PRR11: variants seen among roughly 807,000 people sequenced by gnomAD.
PRR11 encodes proline-rich protein 11.
A neutral mutation model predicts 45.6 loss-of-function variants in PRR11; 30 were observed. The observed-to-expected ratio is 0.66, with a 90% CI of 0.49 to 0.89. PRR11 has a LOEUF of 0.89. Ranked by LOEUF, PRR11 falls within the 40% of genes least tolerant of loss-of-function variation. The pLI, the probability that PRR11 is intolerant of heterozygous loss-of-function variation, is 0.00. For missense variants in PRR11, 373 were observed against 424.8 expected (o/e 0.88, Z 1.07); for synonymous variants, 128 against 153.5 (o/e 0.83, Z 1.23).
chr17:59,174,834 G>T lies in PRR11; in HGVS notation c.128+4954G>T, dbSNP rs528282692. 15 of 1,253,654 alleles carry T rather than the reference G, an allele frequency of 1.2e-5. 1 individual carries two copies. Among genetic ancestry groups the T allele is most frequent in the African/African-American group, 1.2e-4 (8 of 67,154 alleles). 77.7% of individuals were successfully genotyped at this position (1,253,654 alleles called of 1,614,324 possible). On this transcript the variant is annotated intron_variant, in intron 2 of 9. Coordinates refer to ENST00000262293, the MANE Select transcript of PRR11 (RefSeq NM_018304.4). ...CCCAGTGCTCTGGGTTATAAGCCTG[G>T]ATCTGGAAAAACAAACGCCCCTTAA...
chr17:59,156,158 A>T (rs181444308), intron 1 of PRR11, among the ~76,000 whole-genome samples: 5 of 152,280 alleles, frequency 3.3e-5, no homozygotes, highest in Admixed American at 3.3e-4. Flanking sequence ...ACTCCACCCA[A>T]ATTTACTAAA....
rs1393980947 is a variant in PRR11, at chr17:59,205,423, C to T, written c.*3792C>T. 4.6e-5 allele frequency among the ~76,000 whole-genome samples: 7 copies of T among 151,172 alleles called. No homozygotes were observed. The highest frequency in any genetic ancestry group is 1.2e-4 in the African/African-American group (5 of 41,136). ...TACCTATAGAAAAGTAAATGTTGGC[C>T]GGGTGCGGTGGCTCATGCCTATAAT... is the stretch of plus-strand genomic sequence containing the variant. On this transcript the variant is annotated 3_prime_UTR_variant, in exon 10 of 10. Transcript: ENST00000262293.
rs559230752 is a variant in PRR11 at position 59,157,214 on chromosome 17, T to C, written c.-6+1409T>C. 3.9e-5 allele frequency among the ~76,000 whole-genome samples: 6 copies of C among 152,330 alleles called. No homozygotes were observed. The South Asian group carries it at 1.2e-3, about 32-fold the overall frequency. ...TCATTCTTTATTGAATGAAACATTA[T>C]TTAGCTCCTGCTGTATTCTAGATGC... On this transcript the variant is annotated intron_variant, in intron 1 of 9. Coordinates refer to ENST00000262293, the MANE Select transcript of PRR11 (RefSeq NM_018304.4).
intron 9 of PRR11, among the ~76,000 whole-genome samples, chr17:59,198,472 G>A (rs1011643222): frequency 1.3e-5 from 2 of 152,118 alleles, no homozygotes; most frequent in African/African-American, 2.4e-5. Context: ...TCAGGAGTTT[G>A]AGACCAGCCT....
chr17:59,181,449 T>G (rs2046786069), intron 2 of PRR11: 5 of 1,022,050 alleles, frequency 4.9e-6, no homozygotes, highest in Non-Finnish European at 5.7e-6. Context: ...GTGTGGTTAT[T>G]GAAAGTTTTC....
chr17:59,177,165 T>C (rs1033716995), intron 2 of PRR11: 1 of 550,322 alleles, frequency 1.8e-6, no homozygotes, highest in Non-Finnish European at 3.7e-6. Context: ...AGCAAACCAC[T>C]CACAGAGCCA....
chr17:59,195,567 C>A, intron 7 of PRR11, 124 bp downstream of exon 7: 1 of 598,460 alleles, frequency 1.7e-6, no homozygotes, highest in South Asian at 2.9e-5. Flanking sequence ...GTTATATATG[C>A]TCATTATAGA....
At chr17:59,173,923 G>A (rs139304093) in intron 2 of PRR11, among the ~76,000 whole-genome samples, 3 of 152,326 alleles carry the variant, frequency 2.0e-5, no homozygotes, top group African/African-American at 4.8e-5. Context: ...TGTTCTGGAA[G>A]TGAGAGAGAG....
At chr17:59,165,314 G>C (rs975271068) in intron 1 of PRR11, among the ~76,000 whole-genome samples, 4 of 151,552 alleles carry the variant, frequency 2.6e-5, no homozygotes, top group African/African-American at 9.7e-5. Context: ...GCCACCGCGC[G>C]TCCGGTCTGG....
intron 2 of PRR11, among the ~76,000 whole-genome samples, chr17:59,170,497 G>A (rs1036821190): frequency 6.6e-6 from 1 of 151,604 alleles, no homozygotes; most frequent in Admixed American, 6.6e-5. Context: ...TGATTTCCTG[G>A]GCTCAAGAGA....
chr17:59,192,963 A>G (rs770670324), intron 4 of PRR11, among the ~76,000 whole-genome samples: 9 of 152,204 alleles, frequency 5.9e-5, no homozygotes, highest in Admixed American at 2.0e-4. Context: ...TTCGTCTGCT[A>G]AGTCTCAATT....
At chr17:59,157,684 A>G (rs1413335969) in intron 1 of PRR11, among the ~76,000 whole-genome samples, 2 of 152,010 alleles carry the variant, frequency 1.3e-5, no homozygotes, top group East Asian at 1.9e-4. Flanking sequence ...CCCGGGTGAC[A>G]GAGCGAGACT....
At chr17:59,167,955 G>T (rs1483598551) in intron 1 of PRR11, among the ~76,000 whole-genome samples, 1 of 151,846 alleles carries the variant, frequency 6.6e-6, no homozygotes, top group Non-Finnish European at 1.5e-5. Flanking sequence ...TAACGTCCTG[G>T]GAATGCAGCA....
rs957560866 is a variant in PRR11, at chr17:59,202,995, C to G, written c.*1364C>G. On this transcript the variant is annotated 3_prime_UTR_variant, in exon 10 of 10. Transcript: ENST00000262293. Reference sequence around the variant, plus strand: ...GCTATGGTGAGCTATGATTGTTCCACTATACTCCAGCATTGGCAACAGAGC... The same window carrying G: ...GCTATGGTGAGCTATGATTGTTCCAGTATACTCCAGCATTGGCAACAGAGC... 6.6e-6 allele frequency: 1 copy of G among 152,154 alleles called. No homozygotes were observed. The highest frequency in any genetic ancestry group is 1.5e-5 in the Non-Finnish European group (1 of 68,034). The allele number at this position is 152,154 out of a possible 1,614,324, so 9.4% of individuals were successfully genotyped here.
intron 2 of PRR11, among the ~76,000 whole-genome samples, chr17:59,183,141 C>G (rs530943995): frequency 6.6e-6 from 1 of 152,316 alleles, no homozygotes; most frequent in African/African-American, 2.4e-5. Context: ...CCAGGCTGGT[C>G]TCTTGTCCTG....
chr17:59,180,519 G>GTTTTTTTTTTTT (rs71300619), intron 2 of PRR11, among the ~76,000 whole-genome samples: 2 of 122,928 alleles, frequency 1.6e-5, no homozygotes, highest in Non-Finnish European at 3.3e-5. Flanking sequence ...TGTTTTTTTT[G>GTTTTTTTTTTTT]TTTTTTTTGC....
At position 59,203,004 on chromosome 17, in the gene PRR11, A is replaced by G. The variant is rs1246802287; in HGVS notation, c.*1373A>G. 1 of 152,212 alleles carries G rather than the reference A, an allele frequency of 6.6e-6. No individual in the cohort carries two copies. Among genetic ancestry groups the G allele is most frequent in the Non-Finnish European group, 1.5e-5 (1 of 68,044 alleles). The allele number at this position is 152,212 out of a possible 1,614,324, so 9.4% of individuals were successfully genotyped here. A position where few individuals can be genotyped will look rare whatever the true frequency, so the allele number is the denominator to read the frequency against. The stretch of plus-strand genomic sequence containing the variant: ...AGCTATGATTGTTCCACTATACTCC[A>G]GCATTGGCAACAGAGCAAGAACTCA... On this transcript the variant is annotated 3_prime_UTR_variant, in exon 10 of 10. Coordinates refer to ENST00000262293, the MANE Select transcript of PRR11 (RefSeq NM_018304.4).
intron 2 of PRR11, among the ~76,000 whole-genome samples, chr17:59,171,249 C>T (rs2046706990): frequency 1.3e-5 from 2 of 150,968 alleles, no homozygotes; most frequent in Non-Finnish European, 2.9e-5. Context: ...GGAGAAAGAG[C>T]GAGACTCCGT....
At chr17:59,170,042 C>A (rs929554707) in intron 2 of PRR11, among the ~76,000 whole-genome samples, 162 bp downstream of exon 2, 5 of 152,100 alleles carry the variant, frequency 3.3e-5, no homozygotes, top group Admixed American at 6.6e-5. Context: ...TACCTGAGGT[C>A]AGGAGTTCAA....
Sources: gnomAD v4.1 joint callset for allele counts (sites outside exome capture counted in the v4.1 genomes callset) on GRCh38, gnomAD v4.1.1 for gene constraint, MANE v1.5 for transcripts, NCBI Gene and HGNC (gene_info 2026-07-23, HGNC 2026-07-21) for gene names.